Variants in BTD observed in about 807,000 individuals in gnomAD.
BTD encodes biotinidase, also known as biocytinase.
In BTD, 13 loss-of-function variants were observed where a neutral mutation model predicts 17.7. The observed-to-expected ratio is 0.74, with a 90% CI of 0.48 to 1.17. BTD has a LOEUF of 1.17. Among genes scored for constraint, BTD ranks in the 50% most tolerant of loss-of-function variants. The pLI is 0.00. For missense variants in BTD, 674 were observed against 650.4 expected, an observed-to-expected ratio of 1.04 and a Z score of -0.39; for synonymous variants, 240 against 245.2, an observed-to-expected ratio of 0.98 and a Z score of 0.20.
intron 3 of BTD, among the ~76,000 whole-genome samples, chr3:15,700,883 A>T (rs1015268892): frequency 1.3e-5 from 2 of 152,228 alleles, no homozygotes; most frequent in Non-Finnish European, 2.9e-5. Context: ...CATAAAAGTG[A>T]AATAGCCTCT....
chr3:15,629,974 G>T (rs1041176703), intron 1 of BTD: 1 of 844,516 alleles, frequency 1.2e-6, no homozygotes, highest in African/African-American at 1.8e-5. Context: ...AATGCAATGT[G>T]GCATTGATTG....
At chr3:15,722,287 A>G (rs2073813794) in exon 5 of BTD, among the ~76,000 whole-genome samples, 1 of 152,224 alleles carries the variant, frequency 6.6e-6, no homozygotes, top group Non-Finnish European at 1.5e-5. Context: ...TGGAGCCCCA[A>G]TAAAAACCGA....
At chr3:15,641,814 A>G (rs145501981) in intron 2 of BTD, 94 bp from the exon 3 acceptor site, 17 of 966,360 alleles carry the variant, frequency 1.8e-5, no homozygotes, top group Middle Eastern at 5.8e-4. Flanking sequence ...TAACTTCCTG[A>G]TGGTTGCCAA....
intron 1 of BTD, among the ~76,000 whole-genome samples, chr3:15,623,367 C>T (rs575084162): frequency 4.6e-5 from 7 of 152,208 alleles, no homozygotes; most frequent in South Asian, 2.1e-4. Context: ...TCTCTTGTTT[C>T]GAATTGATAT....
downstream of BTD, chr3:15,714,760 T>C (rs551354412): frequency 1.2e-4 from 93 of 772,174 alleles, 2 homozygotes; most frequent in South Asian, 2.9e-3. Context: ...ATAACTATTT[T>C]ACATGAATTA....
At chr3:15,656,249 C>A (rs2065870411), downstream of BTD, among the ~76,000 whole-genome samples, 1 of 152,108 alleles carries the variant, frequency 6.6e-6, no homozygotes, top group Admixed American at 6.5e-5. Flanking sequence ...AATAGCCTAC[C>A]CCCTTCCCAT....
chr3:15,617,446 TG>T (rs1423642749), intron 1 of BTD, among the ~76,000 whole-genome samples: 1 of 151,182 alleles, frequency 6.6e-6, no homozygotes, highest in Non-Finnish European at 1.5e-5. Flanking sequence ...AGTTACTTCT[TG>T]TGAAGGGTAT....
intron 3 of BTD, chr3:15,686,028 A>G (rs769611111): frequency 6.2e-7 from 1 of 1,613,600 alleles, no homozygotes; most frequent in East Asian, 2.2e-5. Context: ...GTCCTTCCCC[A>G]CTTATCTTTG....
intron 1 of BTD, among the ~76,000 whole-genome samples, chr3:15,603,851 A>G (rs575373270): frequency 6.6e-6 from 1 of 152,118 alleles, no homozygotes; most frequent in African/African-American, 2.4e-5. Context: ...CTCCAAAATG[A>G]TCTTTGGATC....
chr3:15,641,022 C>T (rs1488629791), intron 2 of BTD, among the ~76,000 whole-genome samples: 1 of 152,178 alleles, frequency 6.6e-6, no homozygotes, highest in Non-Finnish European at 1.5e-5. Flanking sequence ...GGCTGGTGTT[C>T]CCGGCTTGAC....
intron 3 of BTD, chr3:15,670,228 A>C: frequency 1.3e-6 from 2 of 1,581,112 alleles, no homozygotes; most frequent in Non-Finnish European, 1.7e-6. Flanking sequence ...GAAAAAGCAC[A>C]GTTTGAAGCT....
chr3:15,618,494 G>T (rs369402932), intron 1 of BTD, among the ~76,000 whole-genome samples: 49 of 151,950 alleles, frequency 3.2e-4, no homozygotes, highest in African/African-American at 1.2e-3. Context: ...TCATATGTAG[G>T]GTACGAATAT....
At chr3:15,615,997 C>T (rs890869161) in intron 1 of BTD, among the ~76,000 whole-genome samples, 2 of 152,176 alleles carry the variant, frequency 1.3e-5, no homozygotes, top group Non-Finnish European at 2.9e-5. Flanking sequence ...CTTTTTAGCA[C>T]TGAATAATAT....
At chr3:15,683,877 T>G (rs1364305330) in intron 3 of BTD, 8 of 152,202 alleles carry the variant, frequency 5.3e-5, no homozygotes, top group Non-Finnish European at 1.2e-4. Flanking sequence ...AGATAGGAAA[T>G]CTCAACTTCC....
In BTD at chr3:15,648,816, C is replaced by T. The variant is rs1369284461; in HGVS notation, c.*3328C>T. 6.6e-6 allele frequency among the ~76,000 whole-genome samples: 1 copy of T among 151,516 alleles called. No homozygotes were observed. Among genetic ancestry groups the T allele is most frequent in the Non-Finnish European group, 1.5e-5 (1 of 67,964 alleles). On this transcript the variant is annotated 3_prime_UTR_variant, in exon 4 of 4. Coordinates refer to ENST00000643237, the MANE Select transcript of BTD (RefSeq NM_001370658.1). ...GGGCCCTTAATCCAATATGACATGT[C>T]CTTATCAGAAGAGGAGAAGACACAC...
At chr3:15,643,038 A>AAT (rs1553653318) in intron 3 of BTD, among the ~76,000 whole-genome samples, 3,561 of 137,874 alleles carry the variant, frequency 0.026, 194 homozygotes, top group African/African-American at 0.096. Context: ...AAAAAAAAAA[A>AAT]AAAAAATAAA....
intron 3 of BTD, chr3:15,686,239 A>T (rs1332516101): frequency 6.3e-7 from 1 of 1,593,176 alleles, no homozygotes; most frequent in Non-Finnish European, 8.6e-7. Flanking sequence ...TTCCATCTTG[A>T]ATATCCACTG....
At chr3:15,641,495 CTG>C (rs2065506821) in intron 2 of BTD, among the ~76,000 whole-genome samples, 2 of 152,208 alleles carry the variant, frequency 1.3e-5, no homozygotes, top group Non-Finnish European at 1.5e-5. Context: ...AACCACCAGA[CTG>C]AAGATACCAC....
At chr3:15,663,801 A>G (rs1032148354) in intron 3 of BTD, among the ~76,000 whole-genome samples, 7 of 151,824 alleles carry the variant, frequency 4.6e-5, no homozygotes, top group East Asian at 1.9e-4. Context: ...TATTTTTTCA[A>G]TTTCATTGAT....
Sources: gnomAD v4.1 joint callset for allele counts (sites outside exome capture counted in the v4.1 genomes callset) on GRCh38, gnomAD v4.1.1 for gene constraint, MANE v1.5 for transcripts, NCBI Gene and HGNC (gene_info 2026-07-23, HGNC 2026-07-21) for gene names.